LAMA2: variants seen among roughly 807,000 people sequenced by gnomAD.
The protein encoded by LAMA2 is laminin subunit alpha 2, also known as laminin subunit alpha-2.
Under a neutral mutation model 364.8 loss-of-function variants are expected in LAMA2, and 269 were observed. That is an observed-to-expected ratio of 0.74 (90% CI 0.67 to 0.82). The LOEUF (loss-of-function observed/expected upper bound fraction) is 0.82, where lower values mean the gene tolerates loss of function less well. LAMA2 is among the 40% of genes least tolerant of loss of function. The pLI is 0.00. For synonymous variants in LAMA2, 1,379 were observed against 1,370.6 expected, an observed-to-expected ratio of 1.01 and a Z score of -0.14; for missense variants, 3,807 against 3,873.2, an observed-to-expected ratio of 0.98 and a Z score of 0.45.
intron 13 of LAMA2, among the ~76,000 whole-genome samples, chr6:129,251,881 G>A (rs375461962): frequency 6.6e-6 from 1 of 152,144 alleles, no homozygotes; most frequent in Non-Finnish European, 1.5e-5. Context: ...GTGGCAGCGA[G>A]CCGAGATCGC....
chr6:128,941,189 G>A (rs1465980557), intron 1 of LAMA2, among the ~76,000 whole-genome samples: 1 of 152,184 alleles, frequency 6.6e-6, no homozygotes, highest in African/African-American at 2.4e-5. Context: ...CAAGTCAATG[G>A]AAAGCCTTCA....
chr6:129,447,180 T>A (rs1167146527), intron 45 of LAMA2, among the ~76,000 whole-genome samples: 1 of 152,208 alleles, frequency 6.6e-6, no homozygotes, highest in Non-Finnish European at 1.5e-5. Flanking sequence ...ACTCACAAAG[T>A]TTATAAAATA....
chr6:128,883,320 G>A lies in LAMA2; in HGVS notation c.75G>A (p.Pro25=). The part of the protein sequence containing the change: ...GGLGGVQAQR[P]QQQRQSQAHQ... Reference sequence around the variant, plus strand: ...TCGGGGGCGTACAGGCGCAGCGGCCGCAGCAGCAGCGGCAGTCACAGGCAC... The same window carrying A: ...TCGGGGGCGTACAGGCGCAGCGGCCACAGCAGCAGCGGCAGTCACAGGCAC... The change falls in exon 1 of 65, where the codon CCG becomes CCA. Residue 25 remains proline (P), a synonymous_variant. Coordinates refer to ENST00000421865, the MANE Select transcript of LAMA2 (RefSeq NM_000426.4). The A allele has an allele frequency of 6.3e-7, 1 of 1,597,792 alleles. No homozygotes were observed. Among genetic ancestry groups the A allele is most frequent in the Non-Finnish European group, 8.5e-7 (1 of 1,172,548 alleles).
intron 11 of LAMA2, 31 bp downstream of exon 11, chr6:129,190,376 GCC>G: frequency 6.2e-7 from 1 of 1,607,954 alleles, no homozygotes; most frequent in South Asian, 1.1e-5. Flanking sequence ...TCTGTTTGCT[GCC>G]CCAGCAGCCT....
rs1385169942 is a variant in LAMA2, at chr6:129,120,850, G to A, written c.639+22435G>A. Among the ~76,000 whole-genome samples the A allele has an allele frequency of 5.9e-5, 5 of 85,124 alleles. No individual in the cohort carries two copies. In the East Asian group the frequency reaches 1.4e-3, roughly 24 times the overall value. 55.8% of individuals were successfully genotyped at this position (85,124 alleles called of 152,430 possible). On this transcript the variant is annotated intron_variant, in intron 4 of 64. Transcript: ENST00000421865. ...AAAGATACGGGAAAATGTAGAAGTG[G>A]GCATTATAGAAGAATCCAAATGTGT...
At chr6:129,237,655 G>A (rs773485531) in intron 12 of LAMA2, among the ~76,000 whole-genome samples, 1 of 152,036 alleles carries the variant, frequency 6.6e-6, no homozygotes, top group Non-Finnish European at 1.5e-5. Flanking sequence ...TTTCTCACAT[G>A]CACCCTTATA....
In LAMA2 at chr6:128,990,843, T is replaced by C. The variant is rs374961831; in HGVS notation, c.113-59075T>C. On this transcript the variant is annotated intron_variant, in intron 1 of 64. Transcript: ENST00000421865. ...TGAAGACTTGTCAATACATAAATTATACAGTATTATATATCTCTATATATG... is the reference window on the plus strand; with the variant it reads ...TGAAGACTTGTCAATACATAAATTACACAGTATTATATATCTCTATATATG... 6.6e-5 allele frequency among the ~76,000 whole-genome samples: 10 copies of C among 152,288 alleles called. No homozygotes were observed. The East Asian group carries it at 1.2e-3, about 18-fold the overall frequency.
intron 11 of LAMA2, among the ~76,000 whole-genome samples, chr6:129,192,230 A>G (rs1344042654): frequency 6.6e-6 from 1 of 152,256 alleles, no homozygotes; most frequent in African/African-American, 2.4e-5. Context: ...TCTGCATTAC[A>G]AATACATACG....
chr6:129,150,743 G>T (rs865927495), intron 7 of LAMA2, among the ~76,000 whole-genome samples: 4 of 152,066 alleles, frequency 2.6e-5, no homozygotes, highest in Non-Finnish European at 5.9e-5. Context: ...TCAAGATGGG[G>T]ATCTTAGCCA....
rs2114770006 is a variant in LAMA2, at chr6:129,443,061, A to C, written c.6269-2A>C. 6.3e-7 allele frequency: 1 copy of C among 1,593,344 alleles called. No individual in the cohort carries two copies. Among genetic ancestry groups the C allele is most frequent in the Non-Finnish European group, 8.6e-7 (1 of 1,165,372 alleles). On this transcript the variant is annotated splice_acceptor_variant, in intron 43 of 64. Transcript: ENST00000421865. LOFTEE classifies it high-confidence loss of function. ...TTTGCTTCCATGTGAAATTGCCTGC[A>C]GAAATCAGTACGTATATGTTTACTT...
intron 35 of LAMA2, among the ~76,000 whole-genome samples, chr6:129,387,799 G>A (rs1002719873): frequency 2.6e-5 from 4 of 152,162 alleles, no homozygotes; most frequent in African/African-American, 9.7e-5. Context: ...AACTAATCCA[G>A]GAATGGAAAA....
At chr6:129,484,624 CATA>C (rs910120455) in intron 55 of LAMA2, among the ~76,000 whole-genome samples, 1 of 151,990 alleles carries the variant, frequency 6.6e-6, no homozygotes, top group African/African-American at 2.4e-5. Flanking sequence ...AATATAACAA[CATA>C]ATAAATAGAA....
intron 29 of LAMA2, among the ~76,000 whole-genome samples, chr6:129,334,211 A>G (rs1775817335): frequency 6.6e-6 from 1 of 152,212 alleles, no homozygotes; most frequent in African/African-American, 2.4e-5. Flanking sequence ...TATACAGTGC[A>G]ATGCCCTCTA....
intron 15 of LAMA2, among the ~76,000 whole-genome samples, chr6:129,263,524 T>C (rs1046483391): frequency 7.2e-5 from 11 of 151,930 alleles, no homozygotes; most frequent in Non-Finnish European, 1.3e-4. Flanking sequence ...GCAGCATAGA[T>C]CGTGGAGTCT....
intron 1 of LAMA2, among the ~76,000 whole-genome samples, chr6:128,898,632 T>C (rs2114407680): frequency 6.6e-6 from 1 of 152,338 alleles, no homozygotes; most frequent in East Asian, 1.9e-4. Context: ...CTCCCTTCTT[T>C]TCTCTTTTCC....
At chr6:128,922,042 AT>A (rs1463349642) in intron 1 of LAMA2, among the ~76,000 whole-genome samples, 5 of 152,086 alleles carry the variant, frequency 3.3e-5, no homozygotes, top group African/African-American at 1.2e-4. Context: ...TGAACTCATC[AT>A]TTTTTATGGC....
intron 29 of LAMA2, among the ~76,000 whole-genome samples, chr6:129,335,388 A>C (rs1775900376): frequency 6.6e-6 from 1 of 152,062 alleles, no homozygotes; most frequent in Non-Finnish European, 1.5e-5. Flanking sequence ...AGATAGATAG[A>C]TAGATAGATA....
intron 12 of LAMA2, among the ~76,000 whole-genome samples, chr6:129,197,026 G>A (rs1273891805): frequency 2.0e-5 from 3 of 152,048 alleles, no homozygotes; most frequent in African/African-American, 7.2e-5. Context: ...CAGACCAACA[G>A]TAACATTAAA....
intron 62 of LAMA2, among the ~76,000 whole-genome samples, chr6:129,511,923 T>G (rs2114928885): frequency 6.6e-6 from 1 of 152,258 alleles, no homozygotes; most frequent in Admixed American, 6.5e-5. Flanking sequence ...CCACTAAAAC[T>G]TTACTGAAAA....
Sources: gnomAD v4.1 joint callset for allele counts (sites outside exome capture counted in the v4.1 genomes callset) on GRCh38, gnomAD v4.1.1 for gene constraint, MANE v1.5 for transcripts, NCBI Gene and HGNC (gene_info 2026-07-23, HGNC 2026-07-21) for gene names.